Variants in KIF21B observed in about 807,000 individuals in gnomAD.
KIF21B encodes the protein kinesin-like protein KIF21B.
In KIF21B, 85 loss-of-function variants were observed where a neutral mutation model predicts 192.9. That is an observed-to-expected ratio of 0.44 (90% CI 0.37 to 0.53). The LOEUF (loss-of-function observed/expected upper bound fraction) is 0.53, where lower values mean the gene tolerates loss of function less well. Among genes scored for constraint, KIF21B ranks in the 20% least tolerant of loss-of-function variants. The probability of loss-of-function intolerance (pLI) is 0.00; values close to 1 mark genes in which losing one functional copy is unlikely to be tolerated. For synonymous variants in KIF21B, 832 were observed against 884.6 expected, an observed-to-expected ratio of 0.94 and a Z score of 1.05; for missense variants, 1,716 against 2,194.8, an observed-to-expected ratio of 0.78 and a Z score of 4.36.
At chr1:201,013,256 G>A (rs1246232465) in intron 1 of KIF21B, among the ~76,000 whole-genome samples, 4 of 152,148 alleles carry the variant, frequency 2.6e-5, no homozygotes, top group East Asian at 1.9e-4. Flanking sequence ...TGTGGTTTAC[G>A]AGCCACTGCT....
At chr1:200,997,310 T>C (rs921795460) in intron 14 of KIF21B, among the ~76,000 whole-genome samples, 2 of 151,900 alleles carry the variant, frequency 1.3e-5, no homozygotes, top group Non-Finnish European at 1.5e-5. Context: ...TCTGCCAAAA[T>C]GCCAGGCACA....
rs1304252707 is a variant in KIF21B, at chr1:200,979,470, G to A, written c.4160+65C>T. 4.6e-6 allele frequency: 6 copies of A among 1,315,796 alleles called. No homozygotes were observed. In the South Asian group the frequency reaches 4.6e-5, roughly 10 times the overall value. 81.5% of individuals were successfully genotyped at this position (1,315,796 alleles called of 1,614,324 possible). On this transcript the variant is annotated intron_variant, in intron 30 of 34. Transcript: ENST00000461742. ...TGTGCTGAGTGGGTCACTTGGGCTG[G>A]GAGCATCTGTACCCAACACAGCCTG...
chr1:200,985,305 T>C (rs1324694361), intron 26 of KIF21B, among the ~76,000 whole-genome samples: 1 of 152,038 alleles, frequency 6.6e-6, no homozygotes, highest in Non-Finnish European at 1.5e-5. Context: ...CTGGGCAACG[T>C]GGTGAGGCCT....
In KIF21B at chr1:200,982,679, G is replaced by T. The variant is rs1328678341; in HGVS notation, c.3842+377C>A. On this transcript the variant is annotated intron_variant, in intron 28 of 34. Coordinates refer to ENST00000461742, the MANE Select transcript of KIF21B (RefSeq NM_001252102.2). The surrounding 1 kb of genome is among the most constrained non-coding windows in gnomAD (Gnocchi z 4.7). ...AGCACACCACCGGCACCCCCAAAAG[G>T]AGCAGCCTTCAGCATTTCCCCTGCC... is the stretch of plus-strand genomic sequence containing the variant. Among the ~76,000 whole-genome samples, 1 of 152,160 alleles carries T rather than the reference G, an allele frequency of 6.6e-6. No individual in the cohort carries two copies. The highest frequency in any genetic ancestry group is 2.4e-5 in the African/African-American group (1 of 41,434).
Position 200,990,392 on chromosome 1 carries a change from G to T in KIF21B, c.2836-60C>A. 1 of 1,521,438 alleles carries T rather than the reference G, an allele frequency of 6.6e-7. No individual in the cohort carries two copies. The highest frequency in any genetic ancestry group is 8.9e-7 in the Non-Finnish European group (1 of 1,125,970). The allele number at this position is 1,521,438 out of a possible 1,614,324, so 94.2% of individuals were successfully genotyped here. ...AGGAGAGGCCTCAGGTAGCTGCCAA[G>T]CCCTGCCCATAGCTTCCACCACAGG... On this transcript the variant is annotated intron_variant, in intron 19 of 34. Coordinates refer to ENST00000461742, the MANE Select transcript of KIF21B (RefSeq NM_001252102.2). This position sits in a 1 kb window ranked among gnomAD's most constrained non-coding sequence, Gnocchi z 5.4.
chr1:201,008,838 C>T lies in KIF21B; in HGVS notation c.378G>A (p.Glu126=). The change falls in exon 3 of 35, where the codon GAG becomes GAA. Residue 126 remains glutamate (E), a synonymous_variant. Transcript: ENST00000461742. ...AIAHLFGGIA[E]RKRRAQEQGV... is the part of the protein sequence containing the mutation. ...CCTGCTCCTGTGCCCGGCGCTTGCGCTCGGCAATGCCCCCAAAGAGGTGTG... is the reference window on the plus strand; with the variant it reads ...CCTGCTCCTGTGCCCGGCGCTTGCGTTCGGCAATGCCCCCAAAGAGGTGTG... 9.3e-6 allele frequency: 15 copies of T among 1,609,144 alleles called. No homozygotes were observed. Among genetic ancestry groups the T allele is most frequent in the Non-Finnish European group, 1.3e-5 (15 of 1,179,986 alleles).
chr1:200,991,645 G>C lies in KIF21B; in HGVS notation c.2454+12C>G, dbSNP rs375649313. ...AGGGCCAGGGCCTCGCCAGCCCCTCGAGTGAGCTCACCTCCTGGGTCTTCC... is the reference window on the plus strand; with the variant it reads ...AGGGCCAGGGCCTCGCCAGCCCCTCCAGTGAGCTCACCTCCTGGGTCTTCC... On this transcript the variant is annotated intron_variant, in intron 17 of 34. Transcript: ENST00000461742. 10 of 1,613,432 alleles carry C rather than the reference G, an allele frequency of 6.2e-6. No individual in the cohort carries two copies. Among genetic ancestry groups the C allele is most frequent in the Non-Finnish European group, 8.5e-6 (10 of 1,179,878 alleles).
chr1:201,009,339 T>G lies in KIF21B; in HGVS notation c.191A>C (p.Tyr64Ser). ...GATGAGCTTGCTCACACAGGTGGAA[T>G]AGATCTGTTCTTGCCAGGTGTCCAG... ...FDLDTWQEQI[Y>S]STCVSKLIEG... is the part of the protein sequence containing the mutation. Residue 64 changes from tyrosine to serine, a missense_variant, in exon 2 of 35, where the codon TAT becomes TCT. Coordinates refer to ENST00000461742, the MANE Select transcript of KIF21B (RefSeq NM_001252102.2). The G allele has an allele frequency of 6.2e-7, 1 of 1,614,278 alleles. No homozygotes were observed. Among genetic ancestry groups the G allele is most frequent in the Non-Finnish European group, 8.5e-7 (1 of 1,180,052 alleles).
chr1:201,014,154 T>C (rs1275973027), intron 1 of KIF21B, among the ~76,000 whole-genome samples: 1 of 152,268 alleles, frequency 6.6e-6, no homozygotes, highest in African/African-American at 2.4e-5. Context: ...GCGAAGTTGC[T>C]GAGCTTCCTC....
Position 200,975,026 on chromosome 1 carries a change from A to C in KIF21B, c.4615-113T>G. 1 of 1,092,796 alleles carries C rather than the reference A, an allele frequency of 9.2e-7. No individual in the cohort carries two copies. Among genetic ancestry groups the C allele is most frequent in the South Asian group, 1.4e-5 (1 of 69,970 alleles). 67.7% of individuals were successfully genotyped at this position (1,092,796 alleles called of 1,614,324 possible). On this transcript the variant is annotated intron_variant, in intron 33 of 34. Coordinates refer to ENST00000461742, the MANE Select transcript of KIF21B (RefSeq NM_001252102.2). The surrounding 1 kb of genome is among the most constrained non-coding windows in gnomAD (Gnocchi z 4.3). ...ACTTCCAGGCTCCCCTGGCCTCTAGAGCTGCCACACGGGCGGGTGACACTG... is the reference window on the plus strand; with the variant it reads ...ACTTCCAGGCTCCCCTGGCCTCTAGCGCTGCCACACGGGCGGGTGACACTG...
chr1:201,014,509 T>C (rs1399945570), intron 1 of KIF21B, among the ~76,000 whole-genome samples: 1 of 152,212 alleles, frequency 6.6e-6, no homozygotes, highest in Admixed American at 6.5e-5. Context: ...GGGTACCGAC[T>C]GGGCACATCT....
At chr1:200,974,337 C>G (rs1655401374) in intron 34 of KIF21B, 4 of 992,750 alleles carry the variant, frequency 4.0e-6, no homozygotes, top group Non-Finnish European at 5.8e-6. Context: ...GCTCCCCACA[C>G]AGGGGGCCAG....
intron 1 of KIF21B, among the ~76,000 whole-genome samples, chr1:201,020,551 G>C (rs544077674): frequency 6.6e-6 from 1 of 152,316 alleles, no homozygotes; most frequent in Non-Finnish European, 1.5e-5. Flanking sequence ...TTCAGGGACA[G>C]ATGGGCCAGA....
chr1:201,020,672 C>T (rs1658765445), intron 1 of KIF21B, among the ~76,000 whole-genome samples: 1 of 152,194 alleles, frequency 6.6e-6, no homozygotes, highest in African/African-American at 2.4e-5. Flanking sequence ...CTCCGGCTCT[C>T]CAGGAGCCCA....
intron 26 of KIF21B, among the ~76,000 whole-genome samples, chr1:200,985,926 A>G (rs978171291): frequency 2.7e-5 from 4 of 148,324 alleles, no homozygotes; most frequent in African/African-American, 1.0e-4. Flanking sequence ...GCCCACTGCA[A>G]TCTCCACCTC....
At position 201,008,811 on chromosome 1, in the gene KIF21B, G is replaced by T; in HGVS notation, c.405C>A (p.Gly135=). The T allele has an allele frequency of 6.2e-7, 1 of 1,605,592 alleles. No individual in the cohort carries two copies. Among genetic ancestry groups the T allele is most frequent in the Non-Finnish European group, 8.5e-7 (1 of 1,179,882 alleles). Residue 135 remains glycine, a synonymous_variant, in exon 3 of 35, where the codon GGC becomes GGA. Coordinates refer to ENST00000461742, the MANE Select transcript of KIF21B (RefSeq NM_001252102.2). The part of the protein sequence containing the change: ...AERKRRAQEQ[G]VAGPEFKVSA... ...TGACTTTGAACTCAGGTCCAGCCAC[G>T]CCCTGCTCCTGTGCCCGGCGCTTGC... is the stretch of plus-strand genomic sequence containing the variant.
chr1:200,993,777 A>G (rs1656866355), intron 15 of KIF21B, among the ~76,000 whole-genome samples: 1 of 151,122 alleles, frequency 6.6e-6, no homozygotes, highest in East Asian at 2.0e-4. Context: ...AAAAAAAAAA[A>G]AAAGAGAGAG....
chr1:201,010,127 G>A (rs1001909868), intron 1 of KIF21B, among the ~76,000 whole-genome samples: 17 of 152,308 alleles, frequency 1.1e-4, no homozygotes, highest in Middle Eastern at 3.4e-3. Context: ...GCAGGAGGCC[G>A]GGAGCTCCCC....
At chr1:200,978,263 G>C (rs978401793) in intron 30 of KIF21B, among the ~76,000 whole-genome samples, 11 of 152,022 alleles carry the variant, frequency 7.2e-5, no homozygotes, top group African/African-American at 2.2e-4. Flanking sequence ...TGGTTAGGCT[G>C]GTCTTGAACT....
Sources: allele counts gnomAD v4.1 joint callset (sites outside exome capture counted in the v4.1 genomes callset), GRCh38; gene constraint gnomAD v4.1.1; non-coding constraint Gnocchi (gnomAD v3.1); transcripts MANE v1.5; gene names NCBI Gene and HGNC (gene_info 2026-07-23, HGNC 2026-07-21).